ATP13A5: variants seen among roughly 807,000 people sequenced by gnomAD.
ATP13A5 encodes the protein probable cation-transporting ATPase 13A5.
In ATP13A5, 149 loss-of-function variants were observed where a neutral mutation model predicts 150.2. That is an observed-to-expected ratio of 0.99 (90% CI 0.87 to 1.14). The LOEUF (loss-of-function observed/expected upper bound fraction) is 1.14. Ranked by LOEUF, ATP13A5 falls within the 50% of genes most tolerant of loss-of-function variation. The pLI, the probability that ATP13A5 is intolerant of heterozygous loss-of-function variation, is 0.00. For missense variants in ATP13A5, 1,383 were observed against 1,449.3 expected (o/e 0.95, Z 0.74); for synonymous variants, 497 against 522.2 (o/e 0.95, Z 0.66).
rs6771069 is a variant in ATP13A5, at chr3:193,334,797, T to G, written c.1114+132A>C. The G allele has an allele frequency of 2.9e-3, 2,163 of 750,072 alleles. 29 individuals are homozygous for G. In the African/African-American group the frequency reaches 0.03, roughly 10 times the overall value. 46.5% of individuals were successfully genotyped at this position (750,072 alleles called of 1,614,324 possible). A position where few individuals can be genotyped will look rare whatever the true frequency, so the allele number is the denominator to read the frequency against. ...AATAGTGACACTTTAGAATAATAAG[T>G]GTCTGTTTGGAAAAAAGCATGTTGT... is the stretch of plus-strand genomic sequence containing the variant. On this transcript the variant is annotated intron_variant, in intron 10 of 29. Coordinates refer to ENST00000342358, the MANE Select transcript of ATP13A5 (RefSeq NM_198505.4).
Position 193,363,323 on chromosome 3 carries a change from C to T in ATP13A5, c.297G>A (p.Lys99=). The change falls in exon 3 of 30, where the codon AAG becomes AAA. Residue 99 remains lysine (K), a synonymous_variant. Transcript: ENST00000342358. ...CTTCCCACTTCTTGCTTACAGGAAA[C>T]TTCAGTGTGGATAAGTAGAGGCAGA... ...KVFCLYLSTL[K]FPVSKKWEES... 1.2e-6 allele frequency: 2 copies of T among 1,613,916 alleles called. No individual in the cohort carries two copies. Among genetic ancestry groups the T allele is most frequent in the African/African-American group, 1.3e-5 (1 of 75,040 alleles).
intron 14 of ATP13A5, chr3:193,323,282 T>A (rs1430584100): frequency 6.6e-6 from 1 of 152,162 alleles, no homozygotes; most frequent in Non-Finnish European, 1.5e-5. Flanking sequence ...TGACATCCCA[T>A]CAAATGCTAA....
intron 28 of ATP13A5, chr3:193,277,536 C>G (rs1717276898): frequency 6.6e-6 from 1 of 152,212 alleles, no homozygotes; most frequent in Admixed American, 6.5e-5. Context: ...GAGAACAAAA[C>G]TCACTGACCC....
intron 23 of ATP13A5, among the ~76,000 whole-genome samples, chr3:193,303,044 C>G (rs1718465797): frequency 6.6e-6 from 1 of 152,132 alleles, no homozygotes; most frequent in South Asian, 2.1e-4. Context: ...AGTTCGAATG[C>G]CACTGCATGT....
intron 13 of ATP13A5, among the ~76,000 whole-genome samples, chr3:193,325,733 C>T (rs549918346): frequency 6.6e-6 from 1 of 152,354 alleles, no homozygotes; most frequent in African/African-American, 2.4e-5. Flanking sequence ...GCACCCTGGA[C>T]ATCCCACCTC....
chr3:193,364,295 T>A lies in ATP13A5; in HGVS notation c.64-15A>T. On this transcript the variant is annotated splice_polypyrimidine_tract_variant and intron_variant, in intron 1 of 29. Transcript: ENST00000342358. ...CCAAACACCTCCTGGAGAATAAATT[T>A]AAAAGATCGCTCTATTTTTCTTTTC... The A allele has an allele frequency of 6.2e-7, 1 of 1,600,832 alleles. No homozygotes were observed. Among genetic ancestry groups the A allele is most frequent in the Non-Finnish European group, 8.5e-7 (1 of 1,173,472 alleles).
chr3:193,363,534 C>G (rs1310240079), intron 2 of ATP13A5, 152 bp from the exon 3 acceptor site: 1 of 673,418 alleles, frequency 1.5e-6, no homozygotes, highest in Non-Finnish European at 2.4e-6. Flanking sequence ...TTCTCAGCCC[C>G]ACTTCAGACC....
At chr3:193,371,020 C>A (rs1560154510) in intron 1 of ATP13A5, among the ~76,000 whole-genome samples, 2 of 152,106 alleles carry the variant, frequency 1.3e-5, no homozygotes, top group South Asian at 2.1e-4. Flanking sequence ...AACATATAGT[C>A]CTCCTGCAAG....
At chr3:193,302,595 C>T (rs1057316300) in intron 23 of ATP13A5, among the ~76,000 whole-genome samples, 4 of 152,160 alleles carry the variant, frequency 2.6e-5, no homozygotes, top group African/African-American at 7.2e-5. Flanking sequence ...CATTTATCTA[C>T]GCATTCTACA....
At chr3:193,329,952 GCTC>G (rs1426867549) in intron 12 of ATP13A5, among the ~76,000 whole-genome samples, 1 of 152,048 alleles carries the variant, frequency 6.6e-6, no homozygotes, top group Non-Finnish European at 1.5e-5. Flanking sequence ...AAAAGTAAAG[GCTC>G]CTATTCTGCT....
intron 6 of ATP13A5, among the ~76,000 whole-genome samples, chr3:193,352,422 C>G (rs113587525): frequency 6.6e-5 from 10 of 152,042 alleles, no homozygotes; most frequent in African/African-American, 2.4e-4. Flanking sequence ...AGAAACAACA[C>G]TATTCTAATT....
chr3:193,275,457 T>C (rs139832523), intron 29 of ATP13A5, among the ~76,000 whole-genome samples, 155 bp from the exon 30 acceptor site: 1 of 152,346 alleles, frequency 6.6e-6, no homozygotes, highest in African/African-American at 2.4e-5. Context: ...TCTGGAATTC[T>C]GCCCTTAAGA....
At chr3:193,301,454 C>G (rs1004536415) in intron 23 of ATP13A5, 147 bp from the exon 24 acceptor site, 1 of 624,982 alleles carries the variant, frequency 1.6e-6, no homozygotes, top group Non-Finnish European at 2.8e-6. Context: ...TATTTAACCA[C>G]TCATTCATTC....
At chr3:193,372,028 C>G (rs189074074) in intron 1 of ATP13A5, among the ~76,000 whole-genome samples, 16 of 152,002 alleles carry the variant, frequency 1.1e-4, no homozygotes, top group Admixed American at 6.6e-4. Context: ...CTGGCAGGTG[C>G]GGTGGCTCAC....
At chr3:193,305,417 C>T (rs1252672704) in intron 23 of ATP13A5, 142 bp downstream of exon 23, 2 of 719,482 alleles carry the variant, frequency 2.8e-6, no homozygotes, top group East Asian at 5.2e-5. Context: ...ACACTAATGG[C>T]CCCCTTCATT....
chr3:193,324,568 C>G (rs1719403411), intron 14 of ATP13A5, among the ~76,000 whole-genome samples: 1 of 152,250 alleles, frequency 6.6e-6, no homozygotes, highest in East Asian at 1.9e-4. Context: ...GTCATATTCC[C>G]TCTTGAATAT....
At chr3:193,369,943 G>C (rs1322668318) in intron 1 of ATP13A5, among the ~76,000 whole-genome samples, 1 of 152,152 alleles carries the variant, frequency 6.6e-6, no homozygotes, top group African/African-American at 2.4e-5. Flanking sequence ...GGAGGAAAGA[G>C]GTGACTATTT....
chr3:193,342,518 C>A (rs752012584), intron 9 of ATP13A5, among the ~76,000 whole-genome samples: 24 of 152,210 alleles, frequency 1.6e-4, no homozygotes, highest in Non-Finnish European at 3.4e-4. Flanking sequence ...TTAAGTTACA[C>A]AGATATTAGT....
chr3:193,315,612 G>A (rs1052511070), intron 17 of ATP13A5, among the ~76,000 whole-genome samples: 1 of 152,134 alleles, frequency 6.6e-6, no homozygotes, highest in African/African-American at 2.4e-5. Flanking sequence ...GAAAGTGATG[G>A]CTTATAGTCC....
Sources: allele counts gnomAD v4.1 joint callset (sites outside exome capture counted in the v4.1 genomes callset), GRCh38; gene constraint gnomAD v4.1.1; transcripts MANE v1.5; gene names NCBI Gene and HGNC (gene_info 2026-07-23, HGNC 2026-07-21).